PRKDC: variants seen among roughly 807,000 people sequenced by gnomAD.
PRKDC encodes the protein DNA-dependent protein kinase catalytic subunit.
In PRKDC, 82 loss-of-function variants were observed where a neutral mutation model predicts 486.9. The observed-to-expected ratio is 0.17, with a 90% CI of 0.14 to 0.20. The LOEUF (loss-of-function observed/expected upper bound fraction) is 0.20, where lower values mean the gene tolerates loss of function less well. Ranked by LOEUF, PRKDC falls within the 10% of genes least tolerant of loss-of-function variation. The pLI is 1.00. For synonymous variants in PRKDC, 1,895 were observed against 1,837.0 expected (o/e 1.03, Z -0.81); for missense variants, 4,504 against 5,038.2 (o/e 0.89, Z 3.21).
At position 47,953,953 on chromosome 8, in the gene PRKDC, A is replaced by G. The variant is rs753547977; in HGVS notation, c.509-34T>C. 7.0e-6 allele frequency: 9 copies of G among 1,278,844 alleles called. No individual in the cohort carries two copies. In the African/African-American group the frequency reaches 1.4e-4, roughly 19 times the overall value. The allele number at this position is 1,278,844 out of a possible 1,614,324, so 79.2% of individuals were successfully genotyped here. ...AAAATTTTAGACAAGTGAAGGCCTC[A>G]AACTACATTTAAATAAGTTAAACTA... On this transcript the variant is annotated intron_variant, in intron 5 of 85. Transcript: ENST00000314191.
intron 40 of PRKDC, among the ~76,000 whole-genome samples, chr8:47,875,133 T>C (rs1390697499): frequency 6.6e-6 from 1 of 152,254 alleles, no homozygotes; most frequent in Non-Finnish European, 1.5e-5. Flanking sequence ...TGATTACTTG[T>C]TGGGGGTGTA....
chr8:47,842,032 G>A (rs746373118), intron 54 of PRKDC, among the ~76,000 whole-genome samples: 1 of 152,166 alleles, frequency 6.6e-6, no homozygotes, highest in Non-Finnish European at 1.5e-5. Context: ...ACCACCCAGA[G>A]ACATACCCCA....
At chr8:47,942,173 CA>C (rs1237548278) in intron 10 of PRKDC, among the ~76,000 whole-genome samples, 1 of 152,232 alleles carries the variant, frequency 6.6e-6, no homozygotes, top group East Asian at 1.9e-4. Context: ...TACTGAGATC[CA>C]AACATATTCA....
chr8:47,958,606 T>C (rs2090752056), intron 1 of PRKDC, among the ~76,000 whole-genome samples: 1 of 152,210 alleles, frequency 6.6e-6, no homozygotes. Context: ...CGAACAAAAA[T>C]GAATTCTAAA....
chr8:47,820,094 T>C (rs533108219), intron 66 of PRKDC, among the ~76,000 whole-genome samples: 1 of 152,208 alleles, frequency 6.6e-6, no homozygotes, highest in Admixed American at 6.5e-5. Context: ...GCAACCAAAC[T>C]TCCATTCCGC....
At chr8:47,851,709 A>G (rs1266141993) in intron 52 of PRKDC, among the ~76,000 whole-genome samples, 2 of 152,142 alleles carry the variant, frequency 1.3e-5, no homozygotes, top group Non-Finnish European at 2.9e-5. Context: ...CGGGCAGGGG[A>G]GCAGTGAGTG....
intron 54 of PRKDC, among the ~76,000 whole-genome samples, chr8:47,848,886 T>C (rs2088335797): frequency 1.3e-5 from 2 of 152,146 alleles, no homozygotes; most frequent in African/African-American, 4.8e-5. Flanking sequence ...AGAGCCAAGG[T>C]AACCCCATAG....
intron 54 of PRKDC, among the ~76,000 whole-genome samples, chr8:47,845,084 G>A (rs1432977317): frequency 6.6e-6 from 1 of 152,076 alleles, no homozygotes; most frequent in African/African-American, 2.4e-5. Context: ...AGGCGTGGTG[G>A]TGTGCACCTC....
chr8:47,778,965 G>T, intron 81 of PRKDC, 39 bp downstream of exon 81: 1 of 1,497,370 alleles, frequency 6.7e-7, no homozygotes, highest in South Asian at 1.3e-5. Flanking sequence ...GCAGAAGAAT[G>T]AACTAACTAA....
At chr8:47,802,023 A>G (rs1235336861) in intron 70 of PRKDC, among the ~76,000 whole-genome samples, 1 of 152,218 alleles carries the variant, frequency 6.6e-6, no homozygotes, top group African/African-American at 2.4e-5. Flanking sequence ...CCCTCAAAAA[A>G]GCCCATATAA....
chr8:47,879,576 A>G lies in PRKDC; in HGVS notation c.5150T>C (p.Leu1717Pro). ...LEELRRVLEQ[L>P]IVAHFPMQSR... ...CTGCATGGGGAAGTGAGCAACGATG[A>G]GCTGCTCCAGAACACGTCTAAGTTC... The change falls in exon 39 of 86, where the codon CTC becomes CCC. Residue 1717 changes from leucine to proline, a missense_variant. Leu to Pro is a moderately conservative substitution (Grantham distance 98). Around this residue, in one of 6 missense-constraint regions of PRKDC, gnomAD observed 1,969 missense variants for 2,068.9 expected, o/e 0.95. Transcript: ENST00000314191. The G allele has an allele frequency of 6.3e-7, 1 of 1,597,982 alleles. No homozygotes were observed. The highest frequency in any genetic ancestry group is 8.5e-7 in the Non-Finnish European group (1 of 1,172,028).
At chr8:47,862,003 A>G in intron 44 of PRKDC, 59 bp downstream of exon 44, 3 of 1,346,726 alleles carry the variant, frequency 2.2e-6, no homozygotes, top group Non-Finnish European at 3.1e-6. Context: ...GTTTGACATA[A>G]TATGGTTTTC....
chr8:47,930,261 C>A (rs1422809259), intron 17 of PRKDC, among the ~76,000 whole-genome samples: 1 of 152,060 alleles, frequency 6.6e-6, no homozygotes, highest in African/African-American at 2.4e-5. Flanking sequence ...CAGATTTTGT[C>A]TTTTATTATT....
In PRKDC at chr8:47,858,941, T is replaced by A. The variant is rs746972391; in HGVS notation, c.6253A>T (p.Met2085Leu). Residue 2085 changes from methionine to leucine, a missense_variant, in exon 47 of 86, where the codon ATG becomes TTG. By Grantham distance (15) the Met-to-Leu change is conservative. Coordinates refer to ENST00000314191, the MANE Select transcript of PRKDC (RefSeq NM_006904.7). ...CACTCATGCCGATTGAGCTCGTCCA[T>A]CTCCAGCTCCAGCACATCATCATGC... ...TVHDDVLELEMDELNRHECMA... is the reference protein window; with the variant it reads ...TVHDDVLELELDELNRHECMA... 3.0e-5 allele frequency: 48 copies of A among 1,613,560 alleles called. No individual in the cohort carries two copies. In the South Asian group the frequency reaches 4.7e-4, roughly 16 times the overall value.
At chr8:47,864,824 C>A in intron 40 of PRKDC, 61 bp from the exon 41 acceptor site, 2 of 1,373,202 alleles carry the variant, frequency 1.5e-6, no homozygotes, top group South Asian at 1.6e-5. Flanking sequence ...TTTATGAGTG[C>A]CTACTACATA....
chr8:47,838,072 G>A (rs777787924), intron 56 of PRKDC, among the ~76,000 whole-genome samples: 5 of 152,106 alleles, frequency 3.3e-5, no homozygotes, highest in Non-Finnish European at 7.3e-5. Flanking sequence ...GGAGGCGGAG[G>A]TTGCAATGAG....
At chr8:47,820,188 G>GA (rs745316020) in intron 66 of PRKDC, among the ~76,000 whole-genome samples, 2 of 152,152 alleles carry the variant, frequency 1.3e-5, no homozygotes, top group African/African-American at 2.4e-5. Context: ...TGAGGCAGGT[G>GA]AATCACCTGA....
rs761626215 is a variant in PRKDC, at chr8:47,842,431, A to G, written c.7281-2242T>C. Among the ~76,000 whole-genome samples the G allele has an allele frequency of 1.1e-4, 16 of 152,166 alleles. 1 individual carries two copies. The highest frequency in any genetic ancestry group is 2.7e-4 in the African/African-American group (11 of 41,442). ...TGAAACCCAATGCAGGAACCTAGAG[A>G]GATCCTATACAGGAGAGATCCTATA... On this transcript the variant is annotated intron_variant, in intron 54 of 85. Coordinates refer to ENST00000314191, the MANE Select transcript of PRKDC (RefSeq NM_006904.7).
intron 85 of PRKDC, 34 bp downstream of exon 85, chr8:47,776,810 G>A (rs1379838746): frequency 1.2e-6 from 2 of 1,611,444 alleles, no homozygotes; most frequent in Admixed American, 3.4e-5. Context: ...CATGTCGGTA[G>A]TCCGTTAGTT....
Sources: allele counts gnomAD v4.1 joint callset (sites outside exome capture counted in the v4.1 genomes callset), GRCh38; gene constraint gnomAD v4.1.1; regional missense constraint gnomAD v4.1.1; transcripts MANE v1.5; gene names NCBI Gene and HGNC (gene_info 2026-07-23, HGNC 2026-07-21).